DOCK11: variants seen among roughly 807,000 people sequenced by gnomAD.
The protein encoded by DOCK11 is dedicator of cytokinesis 11.
In DOCK11, 70 loss-of-function variants were observed where a neutral mutation model predicts 169.1. The observed-to-expected ratio is 0.41, with a 90% confidence interval of 0.34 to 0.51. The LOEUF (loss-of-function observed/expected upper bound fraction) is 0.51, where lower values mean the gene tolerates loss of function less well. Among genes scored for constraint, DOCK11 ranks in the 20% least tolerant of loss-of-function variants. DOCK11 has a pLI of 0.10. For synonymous variants in DOCK11, 529 were observed against 541.3 expected (o/e 0.98, Z 0.32); for missense variants, 1,166 against 1,538.8 (o/e 0.76, Z 4.05).
intron 1 of DOCK11, among the ~76,000 whole-genome samples, chrX:118,503,360 G>A (rs1233026054): frequency 9.0e-6 from 1 of 111,620 alleles, no homozygotes; most frequent in African/African-American, 3.3e-5. Context: ...TGCACCAGGC[G>A]AACAAAGGCT....
At chrX:118,589,463 C>T (rs5956070) in intron 18 of DOCK11, among the ~76,000 whole-genome samples, 4,872 of 111,291 alleles carry the variant, frequency 0.044, 200 homozygotes, top group African/African-American at 0.12. Flanking sequence ...CATTTCTTAG[C>T]TGGCCTGGAT....
chrX:118,671,788 T>C (rs1003074152), intron 46 of DOCK11, among the ~76,000 whole-genome samples: 4 of 111,969 alleles, frequency 3.6e-5, no homozygotes, highest in African/African-American at 6.5e-5. Flanking sequence ...CAAGCAGTTC[T>C]CCTGCCTCAG....
intron 45 of DOCK11, among the ~76,000 whole-genome samples, chrX:118,668,240 C>G (rs767698423): frequency 1.8e-5 from 2 of 111,500 alleles, no homozygotes; most frequent in East Asian, 5.6e-4. Context: ...AGTAAATGCC[C>G]CTTATCAGAT....
intron 1 of DOCK11, among the ~76,000 whole-genome samples, chrX:118,534,681 C>T (rs2011688842): frequency 9.0e-6 from 1 of 111,663 alleles, no homozygotes; most frequent in African/African-American, 3.3e-5. Context: ...ACAACTTGTC[C>T]TTCTCTCCTT....
intron 23 of DOCK11, among the ~76,000 whole-genome samples, chrX:118,603,259 G>A (rs755670832): frequency 1.8e-4 from 20 of 113,119 alleles, no homozygotes; most frequent in African/African-American, 6.4e-4. Context: ...AGGATGGCAA[G>A]TGACAGGTTT....
intron 30 of DOCK11, chrX:118,616,262 C>G (rs1363929069): frequency 3.2e-6 from 3 of 938,374 alleles, no homozygotes; most frequent in Non-Finnish European, 4.1e-6. Flanking sequence ...TCGGTTCACT[C>G]TAAATTAGCT....
At chrX:118,581,903 G>A (rs758286711) in intron 14 of DOCK11, among the ~76,000 whole-genome samples, 133 of 108,281 alleles carry the variant, frequency 1.2e-3, no homozygotes, top group African/African-American at 4.3e-3. Flanking sequence ...AGGCTGAGGC[G>A]GGTGGATCAC....
In DOCK11 at chrX:118,512,039, G is replaced by A. The variant is rs769518988; in HGVS notation, c.102+15966G>A. The stretch of plus-strand genomic sequence containing the variant: ...AGCAATTCTCCTGCCTCAGCCTCCC[G>A]AGTAGCTGGGACTACAGGCGCACGC... On this transcript the variant is annotated intron_variant, in intron 1 of 52. Coordinates refer to ENST00000276202, the MANE Select transcript of DOCK11 (RefSeq NM_144658.4). Among the ~76,000 whole-genome samples, 122 of 111,912 alleles carry A rather than the reference G, an allele frequency of 1.1e-3. 2 individuals are homozygous for A. The highest frequency in any genetic ancestry group is 3.4e-3 in the African/African-American group (105 of 30,822).
At position 118,681,680 on chromosome X, in the gene DOCK11, C is replaced by A. The variant is rs1005808725; in HGVS notation, c.5863-14C>A. 9.0e-7 allele frequency: 1 copy of A among 1,105,605 alleles called. No individual in the cohort carries two copies. Among genetic ancestry groups the A allele is most frequent in the Middle Eastern group, 3.3e-4 (1 of 3,014 alleles). 91.1% of individuals were successfully genotyped at this position (1,105,605 alleles called of 1,213,427 possible). A position where few individuals can be genotyped will look rare whatever the true frequency, so the allele number is the denominator to read the frequency against. ...TTCTGGAAACACTCTCATTTTTCTT[C>A]TATTGTGATATAGGTCAATGCTGGT... On this transcript the variant is annotated splice_polypyrimidine_tract_variant and intron_variant, in intron 50 of 52. Transcript: ENST00000276202.
chrX:118,635,307 G>T (rs920841406), intron 35 of DOCK11, among the ~76,000 whole-genome samples: 6 of 111,621 alleles, frequency 5.4e-5, no homozygotes, highest in Non-Finnish European at 9.4e-5. Flanking sequence ...GTTAGAGGAG[G>T]GTCTGCTGAC....
intron 6 of DOCK11, among the ~76,000 whole-genome samples, chrX:118,557,349 T>A (rs759807394): frequency 8.1e-5 from 9 of 110,812 alleles, no homozygotes; most frequent in African/African-American, 3.0e-4. Flanking sequence ...GTAAACTGTG[T>A]GGATAGTGAG....
rs200563659 is a variant in DOCK11, at chrX:118,662,711, G to T, written c.4995G>T (p.Ala1665=). 3 of 1,189,111 alleles carry T rather than the reference G, an allele frequency of 2.5e-6. No individual in the cohort carries two copies. The highest frequency in any genetic ancestry group is 3.4e-6 in the Non-Finnish European group (3 of 877,525). The part of the protein sequence containing the change: ...RKKLFPNGCS[A]FKKITPNIDE... ...AATTATTTCCTAACGGATGTTCAGC[G>T]TTCAAGAAAATTACTCCCAATATAG... Residue 1665 remains alanine (A), a synonymous_variant, in exon 45 of 53, where the codon GCG becomes GCT. Coordinates refer to ENST00000276202, the MANE Select transcript of DOCK11 (RefSeq NM_144658.4).
At position 118,627,533 on chromosome X, in the gene DOCK11, T is replaced by C. The variant is rs761541031; in HGVS notation, c.3618T>C (p.Phe1206=). 3.3e-6 allele frequency: 4 copies of C among 1,208,729 alleles called. No individual in the cohort carries two copies. The East Asian group carries it at 1.2e-4, about 36-fold the overall frequency. ...SASRDEFPCG[F]TSPANRGSLS... is the part of the protein sequence containing the mutation. Reference sequence around the variant, plus strand: ...CCAGAGATGAGTTTCCATGTGGCTTTACTTCACCTGCCAATAGAGGGAGTC... The same window carrying C: ...CCAGAGATGAGTTTCCATGTGGCTTCACTTCACCTGCCAATAGAGGGAGTC... The change falls in exon 33 of 53, where the codon TTT becomes TTC. Residue 1206 remains phenylalanine, a synonymous_variant. Transcript: ENST00000276202.
At chrX:118,649,869 C>A (rs1474889765) in intron 41 of DOCK11, among the ~76,000 whole-genome samples, 1 of 111,558 alleles carries the variant, frequency 9.0e-6, no homozygotes, top group Non-Finnish European at 1.9e-5. Context: ...CAAGTTACTT[C>A]CTTAGCCTCT....
Position 118,630,510 on chromosome X carries a change from A to G in DOCK11, c.3886+20A>G. The G allele has an allele frequency of 1.9e-6, 2 of 1,048,843 alleles. No homozygotes were observed. The allele number at this position is 1,048,843 out of a possible 1,213,427, so 86.4% of individuals were successfully genotyped here. A position where few individuals can be genotyped will look rare whatever the true frequency, so the allele number is the denominator to read the frequency against. On this transcript the variant is annotated intron_variant, in intron 35 of 52. Coordinates refer to ENST00000276202, the MANE Select transcript of DOCK11 (RefSeq NM_144658.4). ...CAGAAGGTGAGTTACCATCATATTAAGCATGGACTGTACTAGACATACACC... is the reference window on the plus strand; with the variant it reads ...CAGAAGGTGAGTTACCATCATATTAGGCATGGACTGTACTAGACATACACC...
intron 28 of DOCK11, among the ~76,000 whole-genome samples, chrX:118,612,729 C>G (rs2014713757): frequency 9.0e-6 from 1 of 111,596 alleles, no homozygotes; most frequent in African/African-American, 3.3e-5. Context: ...GTTAGAGGGT[C>G]CCTGAACAAA....
At chrX:118,551,817 A>T (rs2012503814) in intron 6 of DOCK11, among the ~76,000 whole-genome samples, 1 of 111,394 alleles carries the variant, frequency 9.0e-6, no homozygotes, top group African/African-American at 3.3e-5. Context: ...AAATAAAGGA[A>T]TCTGCCCAGG....
intron 48 of DOCK11, 111 bp downstream of exon 48, chrX:118,676,848 C>T: frequency 1.4e-6 from 1 of 729,526 alleles, no homozygotes; most frequent in Admixed American, 3.7e-5. Context: ...ACAGAGCTTT[C>T]CAGATAATAA....
intron 45 of DOCK11, among the ~76,000 whole-genome samples, chrX:118,666,117 C>T (rs1477507927): frequency 9.0e-6 from 1 of 111,185 alleles, no homozygotes; most frequent in Admixed American, 9.6e-5. Context: ...ATTAGCCGAG[C>T]GTGGTGGCAC....
Sources: allele counts gnomAD v4.1 joint callset (sites outside exome capture counted in the v4.1 genomes callset), GRCh38; gene constraint gnomAD v4.1.1; transcripts MANE v1.5; gene names NCBI Gene and HGNC (gene_info 2026-07-23, HGNC 2026-07-21).